NEDD4L: variants seen among roughly 807,000 people sequenced by gnomAD.
NEDD4L encodes NEDD4 like E3 ubiquitin protein ligase, also known as E3 ubiquitin-protein ligase NEDD4-like.
In NEDD4L, 54 loss-of-function variants were observed where a neutral mutation model predicts 148.9. The observed-to-expected ratio is 0.36, with a 90% CI of 0.29 to 0.45. NEDD4L has a LOEUF of 0.45. Among genes scored for constraint, NEDD4L ranks in the 20% least tolerant of loss-of-function variants. The pLI is 1.00. For missense variants in NEDD4L, 856 were observed against 1,233.8 expected, an observed-to-expected ratio of 0.69 and a Z score of 4.59; for synonymous variants, 433 against 440.7, an observed-to-expected ratio of 0.98 and a Z score of 0.22.
chr18:58,179,231 C>A (rs987817631), intron 2 of NEDD4L, among the ~76,000 whole-genome samples: 2 of 152,150 alleles, frequency 1.3e-5, no homozygotes, highest in Non-Finnish European at 2.9e-5. Context: ...GTAGTCAAGC[C>A]ATCATGTTCT....
chr18:58,246,235 T>C (rs1802123870), intron 3 of NEDD4L, among the ~76,000 whole-genome samples: 1 of 152,140 alleles, frequency 6.6e-6, no homozygotes, highest in African/African-American at 2.4e-5. Context: ...TTAAAGTAAT[T>C]TAAAATACAT....
rs574271053 is a variant in NEDD4L at position 58,168,891 on chromosome 18, G to A, written c.122+3030G>A. Among the ~76,000 whole-genome samples the A allele has an allele frequency of 2.0e-5, 3 of 152,352 alleles. No homozygotes were observed. The South Asian group carries it at 6.2e-4, about 32-fold the overall frequency. On this transcript the variant is annotated intron_variant, in intron 2 of 30. Coordinates refer to ENST00000400345, the MANE Select transcript of NEDD4L (RefSeq NM_001144967.3). ...CCAAGGGAGGTTCCCTGGGCCACTT[G>A]GCCTGAGGTTGGGAAGGGGTCGGTG... is the stretch of plus-strand genomic sequence containing the variant.
chr18:58,126,487 A>G (rs1469735056), intron 1 of NEDD4L, among the ~76,000 whole-genome samples: 2 of 152,084 alleles, frequency 1.3e-5, no homozygotes, highest in Non-Finnish European at 1.5e-5. Flanking sequence ...ATGGCAGATA[A>G]TAGCCCATTG....
At chr18:58,133,548 C>T (rs527251) in intron 1 of NEDD4L, among the ~76,000 whole-genome samples, 18,908 of 151,852 alleles carry the variant, frequency 0.12, 1,225 homozygotes, top group South Asian at 0.23. Context: ...TTTTGGGAGG[C>T]GAGAAATATG....
At chr18:58,333,411 G>C (rs1013491370) in intron 11 of NEDD4L, among the ~76,000 whole-genome samples, 1 of 152,000 alleles carries the variant, frequency 6.6e-6, no homozygotes. Flanking sequence ...ATAAATGTTG[G>C]GTAGCCACAT....
intron 16 of NEDD4L, among the ~76,000 whole-genome samples, chr18:58,343,763 C>G (rs1271928144): frequency 1.3e-5 from 2 of 152,208 alleles, no homozygotes; most frequent in African/African-American, 4.8e-5. Flanking sequence ...TGAGATTAAT[C>G]AAAGGCAAAT....
intron 26 of NEDD4L, among the ~76,000 whole-genome samples, chr18:58,386,342 C>T (rs1170677330): frequency 1.4e-4 from 21 of 152,216 alleles, no homozygotes; most frequent in Admixed American, 1.1e-3. Context: ...TGAGCCGCCG[C>T]GCCCAGCCAT....
At chr18:58,194,415 A>G (rs1213501162) in intron 2 of NEDD4L, among the ~76,000 whole-genome samples, 2 of 152,210 alleles carry the variant, frequency 1.3e-5, no homozygotes, top group Non-Finnish European at 1.5e-5. Context: ...GTAAATTCCC[A>G]TTGTAAGAAA....
At chr18:58,188,266 G>T (rs899714985) in intron 2 of NEDD4L, among the ~76,000 whole-genome samples, 2 of 152,200 alleles carry the variant, frequency 1.3e-5, no homozygotes, top group Non-Finnish European at 2.9e-5. Context: ...GTGAAAATGT[G>T]CATACAGAAC....
chr18:58,222,461 T>C (rs1197691299), intron 2 of NEDD4L, among the ~76,000 whole-genome samples: 2 of 152,256 alleles, frequency 1.3e-5, no homozygotes, highest in Admixed American at 6.5e-5. Context: ...CCAGAACATA[T>C]TCAACTGAGT....
At chr18:58,386,730 G>GT (rs2049079450) in intron 26 of NEDD4L, among the ~76,000 whole-genome samples, 2 of 152,188 alleles carry the variant, frequency 1.3e-5, no homozygotes, top group South Asian at 4.1e-4. Flanking sequence ...CTCTCGTGGG[G>GT]TGATGCTTTC....
At chr18:58,322,578 G>A in intron 7 of NEDD4L, 92 bp downstream of exon 7, 1 of 671,972 alleles carries the variant, frequency 1.5e-6, no homozygotes, top group South Asian at 1.7e-5. Context: ...GTGGATATGG[G>A]TGGGTGGGGA....
At chr18:58,315,891 C>A (rs1023452219) in intron 5 of NEDD4L, 91 bp from the exon 6 acceptor site, 12 of 1,155,426 alleles carry the variant, frequency 1.0e-5, no homozygotes, top group African/African-American at 4.5e-5. Flanking sequence ...GGCCCTGGAC[C>A]TTTGTCTCTA....
intron 5 of NEDD4L, among the ~76,000 whole-genome samples, chr18:58,253,351 T>G (rs1483350005): frequency 1.3e-5 from 2 of 152,246 alleles, no homozygotes; most frequent in Non-Finnish European, 2.9e-5. Context: ...ATGATTAGTA[T>G]TATTCTCCAA....
At chr18:58,077,214 C>T (rs2083217948) in intron 1 of NEDD4L, among the ~76,000 whole-genome samples, 1 of 114,222 alleles carries the variant, frequency 8.8e-6, no homozygotes. Flanking sequence ...CACTTTGTCA[C>T]TCAGTTTGGA....
Position 58,274,718 on chromosome 18 carries a change from A to G in NEDD4L, c.297+22664A>G, listed in dbSNP as rs893957300. ...TGATTTAATAGGCAGATGATGAAGG[A>G]CTTATTCCCAATAATAAAGAATAGT... On this transcript the variant is annotated intron_variant, in intron 5 of 30. Coordinates refer to ENST00000400345, the MANE Select transcript of NEDD4L (RefSeq NM_001144967.3). Among the ~76,000 whole-genome samples the G allele has an allele frequency of 2.0e-5, 3 of 152,220 alleles. No individual in the cohort carries two copies. In the South Asian group the frequency reaches 6.2e-4, roughly 32 times the overall value.
At chr18:58,165,548 C>A in intron 1 of NEDD4L, 1 of 597,604 alleles carries the variant, frequency 1.7e-6, no homozygotes, top group Non-Finnish European at 2.1e-6. Context: ...TAATGACTTA[C>A]TTTGAATTAA....
chr18:58,184,801 G>A (rs1044556441), intron 2 of NEDD4L, among the ~76,000 whole-genome samples: 5 of 152,060 alleles, frequency 3.3e-5, no homozygotes, highest in African/African-American at 9.7e-5. Flanking sequence ...GGCGGCGGGC[G>A]CCTGTAGTCC....
intron 9 of NEDD4L, among the ~76,000 whole-genome samples, chr18:58,327,932 A>C (rs1454596963): frequency 6.9e-6 from 1 of 145,978 alleles, no homozygotes; most frequent in African/African-American, 2.6e-5. Context: ...AATTTACTGC[A>C]AAAAAAAAAG....
Sources: allele counts gnomAD v4.1 joint callset (sites outside exome capture counted in the v4.1 genomes callset), GRCh38; gene constraint gnomAD v4.1.1; transcripts MANE v1.5; gene names NCBI Gene and HGNC (gene_info 2026-07-23, HGNC 2026-07-21).